The following YEATS2 variants were observed in gnomAD, a reference collection of about 807,000 sequenced individuals.
YEATS2 encodes the protein YEATS domain-containing protein 2.
YEATS2 carries 77 observed loss-of-function variants against 163.2 expected under a neutral mutation model. The observed-to-expected ratio is 0.47, with a 90% CI of 0.39 to 0.57. The LOEUF (loss-of-function observed/expected upper bound fraction) is 0.57, where lower values mean the gene tolerates loss of function less well. YEATS2 is among the 20% of genes least tolerant of loss of function. YEATS2 has a pLI of 0.00. For synonymous variants in YEATS2, 631 were observed against 645.1 expected (o/e 0.98, Z 0.33); for missense variants, 1,549 against 1,729.8 (o/e 0.90, Z 1.85).
At position 183,728,868 on chromosome 3, in the gene YEATS2, TA is replaced by T; in HGVS notation, c.812+18del. 1 of 1,586,482 alleles carries T rather than the reference TA, an allele frequency of 6.3e-7. No individual in the cohort carries two copies. The highest frequency in any genetic ancestry group is 8.5e-7 in the Non-Finnish European group (1 of 1,169,710). ...GGAAGTTAGGTAAGCACGCTTGAGG[TA>T]TTTAACCTAAATTGAAATGCAGACT... On this transcript the variant is annotated intron_variant, in intron 7 of 30. Transcript: ENST00000305135.
At chr3:183,799,054 C>A in intron 23 of YEATS2, 65 bp downstream of exon 23, 3 of 1,221,092 alleles carry the variant, frequency 2.5e-6, no homozygotes, top group South Asian at 1.2e-5. Flanking sequence ...CGTTCACGTT[C>A]TCTCCTGATG....
chr3:183,738,570 A>G (rs1315793555), intron 8 of YEATS2, among the ~76,000 whole-genome samples: 7 of 105,944 alleles, frequency 6.6e-5, no homozygotes, highest in Non-Finnish European at 5.5e-5. Context: ...ACCCCACCAC[A>G]GTCCCCAGAG....
chr3:183,793,273 C>G (rs879010573), intron 21 of YEATS2: 1 of 1,165,610 alleles, frequency 8.6e-7, no homozygotes, highest in Non-Finnish European at 1.1e-6. Context: ...TTACTTCATT[C>G]ATATGTAGCT....
rs1723115207 is a variant in YEATS2, at chr3:183,777,547, A to G, written c.2583A>G (p.Thr861=). 2 of 1,611,848 alleles carry G rather than the reference A, an allele frequency of 1.2e-6. No homozygotes were observed. The highest frequency in any genetic ancestry group is 1.7e-6 in the Non-Finnish European group (2 of 1,179,450). The change falls in exon 19 of 31, where the codon ACA becomes ACG. Residue 861 remains threonine (T), a synonymous_variant. Coordinates refer to ENST00000305135, the MANE Select transcript of YEATS2 (RefSeq NM_018023.5). ...SYILKQTPQG[T]FLVGQPSPQT... is the part of the protein sequence containing the mutation. ...TATATTTTTTTCTAACTTAGGGCAC[A>G]TTTTTAGTTGGCCAGCCATCACCCC...
chr3:183,699,342 T>A (rs981798790), intron 1 of YEATS2, among the ~76,000 whole-genome samples: 1 of 151,774 alleles, frequency 6.6e-6, no homozygotes, highest in African/African-American at 2.4e-5. Context: ...TGCATGTTAG[T>A]TATGAAGTCG....
chr3:183,716,396 T>G (rs1364710507), intron 2 of YEATS2, among the ~76,000 whole-genome samples: 1 of 152,160 alleles, frequency 6.6e-6, no homozygotes, highest in African/African-American at 2.4e-5. Context: ...CCACATAGGA[T>G]CCGTAGAGTG....
chr3:183,741,340 A>G (rs1718942381), intron 8 of YEATS2, among the ~76,000 whole-genome samples: 1 of 152,202 alleles, frequency 6.6e-6, no homozygotes, highest in African/African-American at 2.4e-5. Context: ...TGCTTTATAA[A>G]TGGAACAAAA....
In YEATS2 at chr3:183,747,739, T is replaced by C. The variant is rs746910029; in HGVS notation, c.969+23T>C. ...ACGGTAGGTTTTTTTCCTACAGTAT[T>C]ATCTGGGAATGAGTAGGATGAAAAT... On this transcript the variant is annotated intron_variant, in intron 9 of 30. Transcript: ENST00000305135. 4 of 1,604,516 alleles carry C rather than the reference T, an allele frequency of 2.5e-6. No individual in the cohort carries two copies. The South Asian group carries it at 4.4e-5, about 18-fold the overall frequency.
Position 183,773,767 on chromosome 3 carries a change from G to A in YEATS2, c.2341G>A (p.Ala781Thr), listed in dbSNP as rs1170108120. Residue 781 changes from alanine (A) to threonine (T), a missense_variant, in exon 17 of 31, where the codon GCC (alanine) becomes ACC (threonine). Coordinates refer to ENST00000305135, the MANE Select transcript of YEATS2 (RefSeq NM_018023.5). ...AAAACTGCTGCTGATCCCTCAAGGA[G>A]CCATCCTGCGAGCTACGAACAATGC... Reference protein sequence around the residue: ...KGKLLLIPQGAILRATNNANL... With the variant: ...KGKLLLIPQGTILRATNNANL... 1.2e-6 allele frequency: 2 copies of A among 1,610,320 alleles called. No homozygotes were observed. The highest frequency in any genetic ancestry group is 8.5e-7 in the Non-Finnish European group (1 of 1,178,996).
intron 9 of YEATS2, among the ~76,000 whole-genome samples, chr3:183,749,277 A>C (rs73064315): frequency 0.016 from 2,445 of 152,226 alleles, 48 homozygotes; most frequent in African/African-American, 0.057. Context: ...TGCTTAAAAA[A>C]CACGTAACAC....
At chr3:183,748,922 GTA>G (rs879755648) in intron 9 of YEATS2, among the ~76,000 whole-genome samples, 8 of 151,540 alleles carry the variant, frequency 5.3e-5, no homozygotes, top group Non-Finnish European at 1.2e-4. Context: ...ATATGTGTGT[GTA>G]TATATATATA....
At position 183,800,759 on chromosome 3, in the gene YEATS2, A is replaced by C. The variant is rs138221915; in HGVS notation, c.3428+191A>C. On this transcript the variant is annotated intron_variant, in intron 24 of 30. Coordinates refer to ENST00000305135, the MANE Select transcript of YEATS2 (RefSeq NM_018023.5). The stretch of plus-strand genomic sequence containing the variant: ...GGTCATCATTTTATACAGTGATGTG[A>C]CTAGAGGTGGCACTTGATTTGTAGC... Among the ~76,000 whole-genome samples the C allele has an allele frequency of 4.4e-3, 672 of 152,288 alleles. 1 individual carries two copies. Among genetic ancestry groups the C allele is most frequent in the African/African-American group, 0.015 (639 of 41,568 alleles).
intron 1 of YEATS2, among the ~76,000 whole-genome samples, chr3:183,704,655 A>G (rs752133752): frequency 6.6e-6 from 1 of 151,458 alleles, no homozygotes; most frequent in Non-Finnish European, 1.5e-5. Flanking sequence ...TTTGAGACAG[A>G]GTCTCACTCT....
intron 12 of YEATS2, among the ~76,000 whole-genome samples, chr3:183,757,887 A>G (rs1045029227): frequency 1.3e-5 from 2 of 152,172 alleles, no homozygotes; most frequent in Non-Finnish European, 1.5e-5. Context: ...AAGGATGCCA[A>G]ATAGGTGTTA....
chr3:183,714,806 C>G (rs1027360870), intron 1 of YEATS2, among the ~76,000 whole-genome samples: 4 of 152,130 alleles, frequency 2.6e-5, no homozygotes, highest in African/African-American at 4.8e-5. Flanking sequence ...GAGGGCTCTT[C>G]CATGAAAGCC....
intron 1 of YEATS2, among the ~76,000 whole-genome samples, chr3:183,701,688 G>T (rs1307200608): frequency 2.0e-5 from 3 of 152,158 alleles, no homozygotes; most frequent in Non-Finnish European, 4.4e-5. Flanking sequence ...GAGCCACTGT[G>T]CCTGGCCTAA....
chr3:183,718,506 A>T lies in YEATS2; in HGVS notation c.205A>T (p.Ile69Phe), dbSNP rs762884808. 6.2e-7 allele frequency: 1 copy of T among 1,611,288 alleles called. No individual in the cohort carries two copies. Among genetic ancestry groups the T allele is most frequent in the Admixed American group, 1.7e-5 (1 of 59,494 alleles). ...AGTTAACATTTGTTTTTAGCGACTGATTGAAGCAAGAAGGATGATGGATAA... is the reference window on the plus strand; with the variant it reads ...AGTTAACATTTGTTTTTAGCGACTGTTTGAAGCAAGAAGGATGATGGATAA... ...HEIEVIDQRL[I>F]EARRMMDKLR... The change falls in exon 4 of 31, where the codon ATT becomes TTT. Residue 69 changes from isoleucine (I) to phenylalanine (F), a missense_variant. By Grantham distance (21) the Ile-to-Phe change is conservative (BLOSUM62 0). Coordinates refer to ENST00000305135, the MANE Select transcript of YEATS2 (RefSeq NM_018023.5).
chr3:183,808,222 T>G lies in YEATS2; in HGVS notation c.4086+118T>G, dbSNP rs905081786. The G allele has an allele frequency of 4.4e-4, 362 of 820,944 alleles. 1 individual carries two copies. The highest frequency in any genetic ancestry group is 1.9e-3 in the Middle Eastern group (7 of 3,610). 50.9% of individuals were successfully genotyped at this position (820,944 alleles called of 1,614,324 possible). A position where few individuals can be genotyped will look rare whatever the true frequency, so the allele number is the denominator to read the frequency against. ...CAGGCTTTAAAATGTCTCGTCTTAT[T>G]TGGGCTTAAGTTCTCTCTTTTTGTT... On this transcript the variant is annotated intron_variant, in intron 29 of 30. Transcript: ENST00000305135.
chr3:183,774,561 T>C (rs1312484153), intron 17 of YEATS2, among the ~76,000 whole-genome samples: 1 of 152,210 alleles, frequency 6.6e-6, no homozygotes, highest in East Asian at 1.9e-4. Context: ...ATACAGACTC[T>C]ACCTAGGTTT....
Sources: gnomAD v4.1 joint callset for allele counts (sites outside exome capture counted in the v4.1 genomes callset) on GRCh38, gnomAD v4.1.1 for gene constraint, MANE v1.5 for transcripts, NCBI Gene and HGNC (gene_info 2026-07-23, HGNC 2026-07-21) for gene names.